HDAC9: variants seen among roughly 807,000 people sequenced by gnomAD.
The protein encoded by HDAC9 is histone deacetylase 9.
Under a neutral mutation model 139.4 loss-of-function variants are expected in HDAC9, and 41 were observed. The observed-to-expected ratio is 0.29, with a 90% CI of 0.23 to 0.38. The LOEUF is 0.38. HDAC9 is among the 10% of genes least tolerant of loss of function. The pLI is 1.00. For synonymous variants in HDAC9, 517 were observed against 476.2 expected (o/e 1.09, Z -1.12); for missense variants, 1,147 against 1,297.0 (o/e 0.88, Z 1.78).
At chr7:18,442,844 C>T (rs997260263) in intron 1 of HDAC9, among the ~76,000 whole-genome samples, 1 of 152,126 alleles carries the variant, frequency 6.6e-6, no homozygotes, top group Non-Finnish European at 1.5e-5. Context: ...ATATTCAGTC[C>T]TAGCCCAACC....
chr7:18,795,880 T>C (rs1248543152), intron 17 of HDAC9, among the ~76,000 whole-genome samples: 1 of 152,206 alleles, frequency 6.6e-6, no homozygotes, highest in African/African-American at 2.4e-5. Flanking sequence ...CCAGGAGCAT[T>C]ATTACTCATG....
intron 24 of HDAC9, among the ~76,000 whole-genome samples, chr7:18,958,496 A>T (rs1421143957): frequency 6.6e-6 from 1 of 152,172 alleles, no homozygotes; most frequent in Non-Finnish European, 1.5e-5. Flanking sequence ...TGGGCAAAGA[A>T]AATGTTGTAT....
intron 12 of HDAC9, among the ~76,000 whole-genome samples, chr7:18,678,802 C>G (rs545403015): frequency 6.6e-6 from 1 of 151,914 alleles, no homozygotes; most frequent in East Asian, 1.9e-4. Context: ...TGTTTAATGT[C>G]TAGTAAATTT....
At chr7:18,857,700 T>G (rs12699996) in intron 21 of HDAC9, among the ~76,000 whole-genome samples, 78,965 of 151,298 alleles carry the variant, frequency 0.52, 21,710 homozygotes, top group African/African-American at 0.7. Flanking sequence ...TGTCCTGACA[T>G]TATGAAATCT....
chr7:18,190,207 A>G (rs1229427655), intron 2 of HDAC9, among the ~76,000 whole-genome samples: 1 of 152,120 alleles, frequency 6.6e-6, no homozygotes, highest in Admixed American at 6.5e-5. Flanking sequence ...ACCCTCGCAA[A>G]GTGCTGGGAT....
chr7:18,590,490 A>C lies in HDAC9; in HGVS notation c.415+4A>C, dbSNP rs375673643. The stretch of plus-strand genomic sequence containing the variant: ...GGCAAAGATAGAGGACGAGAAAGTA[A>C]GAGGCACCAGGGTAAACGATGGACT... On this transcript the variant is annotated splice_donor_region_variant and intron_variant, in intron 4 of 25. Transcript: ENST00000686413. The C allele has an allele frequency of 1.9e-6, 3 of 1,591,418 alleles. No individual in the cohort carries two copies. The highest frequency in any genetic ancestry group is 2.7e-5 in the African/African-American group (2 of 74,416).
intron 21 of HDAC9, among the ~76,000 whole-genome samples, chr7:18,866,008 A>G (rs1798467382): frequency 6.6e-6 from 1 of 150,542 alleles, no homozygotes; most frequent in South Asian, 2.1e-4. Flanking sequence ...GGTGACATAT[A>G]AGATCATATA....
chr7:18,942,883 C>A (rs1782116382), intron 23 of HDAC9, among the ~76,000 whole-genome samples: 1 of 151,708 alleles, frequency 6.6e-6, no homozygotes, highest in Non-Finnish European at 1.5e-5. Flanking sequence ...TGAAACAGGT[C>A]TTGTTAGCAG....
intron 2 of HDAC9, among the ~76,000 whole-genome samples, chr7:18,221,075 A>G (rs1274939275): frequency 6.6e-6 from 1 of 150,474 alleles, no homozygotes; most frequent in Non-Finnish European, 1.5e-5. Flanking sequence ...TTCCACAGTG[A>G]CAATTTCTAT....
At chr7:18,687,257 A>C (rs1236477649) in intron 12 of HDAC9, among the ~76,000 whole-genome samples, 1 of 151,890 alleles carries the variant, frequency 6.6e-6, no homozygotes, top group Non-Finnish European at 1.5e-5. Context: ...AACATAAGCT[A>C]GTAAATAGTA....
chr7:18,500,673 G>T (rs150519773), intron 2 of HDAC9, among the ~76,000 whole-genome samples: 1 of 152,216 alleles, frequency 6.6e-6, no homozygotes, highest in African/African-American at 2.4e-5. Flanking sequence ...TCAGAGCAGC[G>T]TACTAAATTG....
intron 1 of HDAC9, among the ~76,000 whole-genome samples, chr7:18,311,355 A>G (rs568757265): frequency 1.3e-5 from 2 of 152,214 alleles, no homozygotes; most frequent in South Asian, 4.1e-4. Flanking sequence ...GAAATAATGA[A>G]TCAACTTTTA....
chr7:18,276,365 A>G (rs961126415), intron 2 of HDAC9, among the ~76,000 whole-genome samples: 6 of 152,234 alleles, frequency 3.9e-5, no homozygotes, highest in East Asian at 1.9e-4. Flanking sequence ...AAACTCTTAT[A>G]TGGAACCTTA....
At chr7:18,657,428 T>C (rs1791589976) in intron 11 of HDAC9, among the ~76,000 whole-genome samples, 1 of 152,052 alleles carries the variant, frequency 6.6e-6, no homozygotes, top group Admixed American at 6.6e-5. Context: ...GCAAAGAAAA[T>C]AAGGATGCCT....
intron 13 of HDAC9, 91 bp from the exon 14 acceptor site, chr7:18,748,914 G>T (rs1788211119): frequency 5.1e-6 from 6 of 1,180,276 alleles, no homozygotes; most frequent in African/African-American, 4.7e-5. Context: ...TAAGAATAAT[G>T]ACTTTTTTGG....
intron 1 of HDAC9, among the ~76,000 whole-genome samples, chr7:18,138,559 T>C (rs1235442837): frequency 1.5e-5 from 2 of 135,242 alleles, no homozygotes; most frequent in African/African-American, 6.8e-5. Context: ...TGTGTGTGTG[T>C]GTGTGCACAT....
intron 2 of HDAC9, among the ~76,000 whole-genome samples, chr7:18,195,801 A>G (rs371775611): frequency 3.3e-5 from 5 of 152,226 alleles, no homozygotes; most frequent in South Asian, 4.1e-4. Flanking sequence ...TTTATACTCA[A>G]TATGTTTGCC....
At chr7:18,563,838 C>CTT (rs374816857) in intron 2 of HDAC9, among the ~76,000 whole-genome samples, 3,640 of 132,914 alleles carry the variant, frequency 0.027, 81 homozygotes, top group Middle Eastern at 0.081. Flanking sequence ...TGATTTGCTG[C>CTT]TTTTTTTTTT....
chr7:18,905,881 CTTCTTTCCT>C (rs1802195026), intron 22 of HDAC9, among the ~76,000 whole-genome samples: 1 of 151,536 alleles, frequency 6.6e-6, no homozygotes. Flanking sequence ...CTTTCTTTTC[CTTCTTTCCT>C]TTCTTTTCCT....
Sources: allele counts gnomAD v4.1 joint callset (sites outside exome capture counted in the v4.1 genomes callset), GRCh38; gene constraint gnomAD v4.1.1; transcripts MANE v1.5; gene names NCBI Gene and HGNC (gene_info 2026-07-23, HGNC 2026-07-21).